Variants in KIAA1958 observed in about 807,000 individuals in gnomAD.
KIAA1958 encodes the protein uncharacterized protein KIAA1958.
In KIAA1958, 14 loss-of-function variants were observed where a neutral mutation model predicts 47.2. The observed-to-expected ratio is 0.30, with a 90% confidence interval of 0.20 to 0.46. KIAA1958 has a LOEUF of 0.46. Among genes scored for constraint, KIAA1958 ranks in the 20% least tolerant of loss-of-function variants. KIAA1958 has a pLI of 1.00. For missense variants in KIAA1958, 803 were observed against 909.2 expected (o/e 0.88, Z 1.50); for synonymous variants, 354 against 353.3 (o/e 1.00, Z -0.02).
chr9:112,623,037 T>C (rs551934371), intron 2 of KIAA1958, among the ~76,000 whole-genome samples: 2 of 152,384 alleles, frequency 1.3e-5, no homozygotes, highest in South Asian at 4.1e-4. Flanking sequence ...ATGCAATTTA[T>C]CCATTATTTA....
chr9:112,659,047 AAG>A (rs1160997673), intron 3 of KIAA1958, among the ~76,000 whole-genome samples: 1 of 150,568 alleles, frequency 6.6e-6, no homozygotes, highest in African/African-American at 2.4e-5. Flanking sequence ...AAAAAAAAGA[AAG>A]AAAAGAAAAA....
In KIAA1958 at chr9:112,645,914, G is replaced by A. The variant is rs150081861; in HGVS notation, c.1344+92G>A. 5.8e-4 allele frequency: 620 copies of A among 1,067,804 alleles called. 1 individual carries two copies. The highest frequency in any genetic ancestry group is 6.7e-4 in the Non-Finnish European group (517 of 774,674). The allele number at this position is 1,067,804 out of a possible 1,614,324, so 66.1% of individuals were successfully genotyped here. A position where few individuals can be genotyped will look rare whatever the true frequency, so the allele number is the denominator to read the frequency against. On this transcript the variant is annotated intron_variant, in intron 3 of 3. Transcript: ENST00000337530. ...CTAAGCATTGTAGGGAACACAGAAC[G>A]GTGGCTTTCTGCCTGGGGAAACTTT...
At chr9:112,601,750 A>G (rs1282788763) in intron 2 of KIAA1958, among the ~76,000 whole-genome samples, 2 of 152,144 alleles carry the variant, frequency 1.3e-5, no homozygotes, top group African/African-American at 4.8e-5. Context: ...TTTGTGTTCT[A>G]TTTCTGTTTT....
chr9:112,605,059 A>G (rs1836205979), intron 2 of KIAA1958, among the ~76,000 whole-genome samples: 2 of 146,834 alleles, frequency 1.4e-5, no homozygotes, highest in Middle Eastern at 3.6e-3. Flanking sequence ...TATTTATATT[A>G]TATATATAAA....
intron 1 of KIAA1958, among the ~76,000 whole-genome samples, chr9:112,547,590 G>A (rs1185377677): frequency 7.7e-5 from 1 of 13,044 alleles, no homozygotes; most frequent in Non-Finnish European, 1.3e-4. Flanking sequence ...CCTTAAGACT[G>A]ACAAAACAGA....
At chr9:112,586,940 C>T (rs1018430827) in intron 2 of KIAA1958, among the ~76,000 whole-genome samples, 2 of 152,094 alleles carry the variant, frequency 1.3e-5, no homozygotes, top group African/African-American at 2.4e-5. Context: ...ATGTTATTGC[C>T]GTGTCTATTT....
At chr9:112,517,236 C>T (rs774828544) in intron 1 of KIAA1958, among the ~76,000 whole-genome samples, 62 of 134,568 alleles carry the variant, frequency 4.6e-4, no homozygotes, top group Non-Finnish European at 7.9e-4. Flanking sequence ...AATAGACTCA[C>T]AGACGTATCT....
At chr9:112,607,044 G>A (rs1367592483) in intron 2 of KIAA1958, among the ~76,000 whole-genome samples, 2 of 152,136 alleles carry the variant, frequency 1.3e-5, no homozygotes. Context: ...TGATGAGACT[G>A]GAATTTGAAT....
chr9:112,543,765 G>T (rs1246116299), intron 1 of KIAA1958, among the ~76,000 whole-genome samples: 1 of 151,806 alleles, frequency 6.6e-6, no homozygotes, highest in African/African-American at 2.4e-5. Flanking sequence ...TAGAGATAGG[G>T]TTTCTCCGTG....
intron 1 of KIAA1958, among the ~76,000 whole-genome samples, chr9:112,521,939 A>G (rs1834551593): frequency 6.7e-6 from 1 of 149,158 alleles, no homozygotes; most frequent in Non-Finnish European, 1.5e-5. Flanking sequence ...ATTGCTGGGC[A>G]TAGAATTCTG....
At chr9:112,615,157 C>T (rs1446944053) in intron 2 of KIAA1958, among the ~76,000 whole-genome samples, 1 of 152,070 alleles carries the variant, frequency 6.6e-6, no homozygotes, top group African/African-American at 2.4e-5. Flanking sequence ...CATGGTGGCT[C>T]ATGCCTGTAA....
intron 2 of KIAA1958, among the ~76,000 whole-genome samples, chr9:112,602,008 A>G (rs1836141417): frequency 6.6e-6 from 1 of 152,228 alleles, no homozygotes; most frequent in East Asian, 1.9e-4. Flanking sequence ...TTTGCTGGTC[A>G]GATAGCTATA....
chr9:112,620,611 T>G (rs964598909), intron 2 of KIAA1958, among the ~76,000 whole-genome samples: 1 of 152,142 alleles, frequency 6.6e-6, no homozygotes, highest in African/African-American at 2.4e-5. Flanking sequence ...TCATGACTTT[T>G]CCTCCATAGA....
intron 3 of KIAA1958, among the ~76,000 whole-genome samples, chr9:112,648,953 A>G (rs1837017764): frequency 6.6e-6 from 1 of 152,258 alleles, no homozygotes; most frequent in Admixed American, 6.5e-5. Context: ...ACATTAAAAC[A>G]GTTATTGTAA....
At chr9:112,603,926 TTCAGA>T (rs1461027658) in intron 2 of KIAA1958, among the ~76,000 whole-genome samples, 4 of 152,224 alleles carry the variant, frequency 2.6e-5, no homozygotes, top group African/African-American at 9.6e-5. Context: ...GTAAAGAGAA[TTCAGA>T]CATCATTTCT....
chr9:112,582,099 G>C (rs1006510418), intron 2 of KIAA1958: 2 of 172,918 alleles, frequency 1.2e-5, no homozygotes, highest in African/African-American at 2.4e-5. Flanking sequence ...ACAGTATCAG[G>C]CTTAGGAAAG....
intron 2 of KIAA1958, among the ~76,000 whole-genome samples, chr9:112,585,343 C>T (rs1052987908): frequency 6.6e-6 from 1 of 152,210 alleles, no homozygotes; most frequent in Non-Finnish European, 1.5e-5. Flanking sequence ...GACTCAGCCT[C>T]AGGGAACACA....
At chr9:112,551,919 A>G (rs1039179763) in intron 1 of KIAA1958, among the ~76,000 whole-genome samples, 2 of 152,238 alleles carry the variant, frequency 1.3e-5, no homozygotes, top group Non-Finnish European at 2.9e-5. Context: ...TGACTTGTTC[A>G]AATCCTGCAT....
intron 1 of KIAA1958, among the ~76,000 whole-genome samples, chr9:112,532,763 T>A (rs574975633): frequency 6.6e-6 from 1 of 152,226 alleles, no homozygotes; most frequent in African/African-American, 2.4e-5. Context: ...TTCAGCAGAC[T>A]GCCCATGAAT....
Sources: gnomAD v4.1 joint callset for allele counts (sites outside exome capture counted in the v4.1 genomes callset) on GRCh38, gnomAD v4.1.1 for gene constraint, MANE v1.5 for transcripts, NCBI Gene and HGNC (gene_info 2026-07-23, HGNC 2026-07-21) for gene names.